PCDHA13: variants seen among roughly 807,000 people sequenced by gnomAD.
The protein encoded by PCDHA13 is protocadherin alpha-13.
Under a neutral mutation model 64.8 loss-of-function variants are expected in PCDHA13, and 54 were observed. The observed-to-expected ratio is 0.83, with a 90% CI of 0.67 to 1.04. PCDHA13 has a LOEUF of 1.04. PCDHA13 is among the 50% of genes least tolerant of loss of function. The pLI, the probability that PCDHA13 is intolerant of heterozygous loss-of-function variation, is 0.00. For missense variants in PCDHA13, 1,248 were observed against 1,254.3 expected (o/e 0.99, Z 0.08); for synonymous variants, 587 against 564.4 (o/e 1.04, Z -0.57).
Position 140,946,631 on chromosome 5 carries a change from T to TATATATATATATATATATATATACAC in PCDHA13, c.2395-32317_2395-32316insTATATATATATATATATATATACACA, listed in dbSNP as rs57893927. Among the ~76,000 whole-genome samples, 213 of 131,752 alleles carry TATATATATATATATATATATATACAC rather than the reference T, an allele frequency of 1.6e-3. 5 individuals carry two copies. The highest frequency in any genetic ancestry group is 6.6e-3 in the African/African-American group (188 of 28,632). The allele number at this position is 131,752 out of a possible 152,430, so 86.4% of individuals were successfully genotyped here. A position where few individuals can be genotyped will look rare whatever the true frequency, so the allele number is the denominator to read the frequency against. Reference sequence around the variant, plus strand: ...TGTGAAATATATATATATATATATATACAATGGAATACTCATCAGCCATTA... The same window carrying TATATATATATATATATATATATACAC: ...TGTGAAATATATATATATATATATATATATATATATATATATATATATACACACAATGGAATACTCATCAGCCATTA... On this transcript the variant is annotated intron_variant, in intron 1 of 3. Transcript: ENST00000289272.
chr5:140,911,971 C>G (rs1041878022), intron 1 of PCDHA13, among the ~76,000 whole-genome samples: 5 of 152,266 alleles, frequency 3.3e-5, no homozygotes, highest in African/African-American at 1.2e-4. Flanking sequence ...GGAGTATTAA[C>G]TCACATGATC....
intron 3 of PCDHA13, among the ~76,000 whole-genome samples, chr5:141,007,850 C>A (rs1299909821): frequency 6.6e-6 from 1 of 152,156 alleles, no homozygotes; most frequent in Non-Finnish European, 1.5e-5. Context: ...GACTCAAAGT[C>A]CTTAAAGGTC....
At chr5:140,893,318 T>C (rs1329749503) in intron 1 of PCDHA13, among the ~76,000 whole-genome samples, 2 of 152,170 alleles carry the variant, frequency 1.3e-5, no homozygotes, top group African/African-American at 2.4e-5. Context: ...TTTGAGGGAC[T>C]CCCATACTGT....
chr5:140,994,786 T>C (rs1219918332), intron 3 of PCDHA13, among the ~76,000 whole-genome samples: 4 of 152,086 alleles, frequency 2.6e-5, no homozygotes, highest in Non-Finnish European at 5.9e-5. Context: ...AAGGAAACAA[T>C]GCGTGCATGC....
chr5:140,889,037 A>G (rs2062077417), intron 1 of PCDHA13, among the ~76,000 whole-genome samples: 1 of 151,994 alleles, frequency 6.6e-6, no homozygotes, highest in Non-Finnish European at 1.5e-5. Context: ...CCGTAATTTG[A>G]TTATAATTTA....
rs782395968 is a variant in PCDHA13, at chr5:141,011,916, A to G, written c.*1979A>G. ...TATTATCTATTTAGGCATTAATATA[A>G]AAGAGGTAGGAGTCTGTTATTTAAA... On this transcript the variant is annotated 3_prime_UTR_variant, in exon 4 of 4. Coordinates refer to ENST00000289272, the MANE Select transcript of PCDHA13 (RefSeq NM_018904.3). 4 of 153,828 alleles carry G rather than the reference A, an allele frequency of 2.6e-5. No individual in the cohort carries two copies. The highest frequency in any genetic ancestry group is 4.4e-5 in the Non-Finnish European group (3 of 68,030). 9.5% of individuals were successfully genotyped at this position (153,828 alleles called of 1,614,324 possible). A position where few individuals can be genotyped will look rare whatever the true frequency, so the allele number is the denominator to read the frequency against.
intron 1 of PCDHA13, chr5:140,929,229 C>T: frequency 6.2e-7 from 1 of 1,613,880 alleles, no homozygotes; most frequent in South Asian, 1.1e-5. Context: ...ATGCTGCCGA[C>T]CTGCGAAATC....
intron 1 of PCDHA13, among the ~76,000 whole-genome samples, chr5:140,937,259 G>A (rs1306999153): frequency 1.3e-5 from 2 of 151,850 alleles, no homozygotes; most frequent in East Asian, 3.9e-4. Context: ...GGATGGTCTC[G>A]ATCTCCTGAC....
chr5:140,977,974 A>G (rs2096783738), intron 1 of PCDHA13, among the ~76,000 whole-genome samples: 1 of 152,182 alleles, frequency 6.6e-6, no homozygotes, highest in African/African-American at 2.4e-5. Context: ...CCGCCCATGA[A>G]AACGCATCTA....
intron 1 of PCDHA13, among the ~76,000 whole-genome samples, chr5:140,960,911 G>A (rs2095578426): frequency 6.6e-6 from 1 of 152,284 alleles, no homozygotes; most frequent in Non-Finnish European, 1.5e-5. Context: ...TTGAGTTTCA[G>A]ATAGAAAATT....
chr5:140,904,522 C>T (rs1241157884), intron 1 of PCDHA13, among the ~76,000 whole-genome samples: 1 of 151,956 alleles, frequency 6.6e-6, no homozygotes, highest in Admixed American at 6.6e-5. Flanking sequence ...CTGCTATAAA[C>T]TTGTGTGTTC....
rs1563652468 is a variant in PCDHA13, at chr5:141,000,419, A to ATTT, written c.2543-9207_2543-9206insTTT. 1.8e-3 allele frequency among the ~76,000 whole-genome samples: 107 copies of ATTT among 60,980 alleles called. 1 individual carries two copies. The highest frequency in any genetic ancestry group is 3.1e-3 in the African/African-American group (41 of 13,160). 40.0% of individuals were successfully genotyped at this position (60,980 alleles called of 152,430 possible). ...TCTATATATATATATATATATATAT[A>ATTT]TATTTTTTTTTTTTTTTTTTTTTTT... On this transcript the variant is annotated intron_variant, in intron 3 of 3. Transcript: ENST00000289272.
chr5:140,902,703 T>C (rs1451324920), intron 1 of PCDHA13, among the ~76,000 whole-genome samples: 1 of 152,166 alleles, frequency 6.6e-6, no homozygotes, highest in African/African-American at 2.4e-5. Flanking sequence ...GTCTTTTATC[T>C]TTCACTCCCC....
At chr5:140,995,087 C>T (rs1482673933) in intron 3 of PCDHA13, among the ~76,000 whole-genome samples, 1 of 152,222 alleles carries the variant, frequency 6.6e-6, no homozygotes, top group Non-Finnish European at 1.5e-5. Flanking sequence ...CCAAACTTAT[C>T]TGTGGAGATA....
intron 1 of PCDHA13, among the ~76,000 whole-genome samples, chr5:140,940,084 A>G (rs1320170233): frequency 1.3e-5 from 2 of 152,202 alleles, no homozygotes; most frequent in East Asian, 3.8e-4. Context: ...TCTTTCTGCT[A>G]AATTGAAACT....
chr5:140,918,511 C>G (rs574083461), intron 1 of PCDHA13, among the ~76,000 whole-genome samples: 1 of 152,144 alleles, frequency 6.6e-6, no homozygotes, highest in African/African-American at 2.4e-5. Flanking sequence ...TCCTTTTAAA[C>G]TTATTGAGGA....
chr5:140,945,614 A>G lies in PCDHA13; in HGVS notation c.2395-33335A>G, dbSNP rs2093816394. Among the ~76,000 whole-genome samples the G allele has an allele frequency of 2.0e-5, 3 of 152,278 alleles. No homozygotes were observed. The South Asian group carries it at 6.2e-4, about 32-fold the overall frequency. ...TCAAAGCTATAATAATCAAAACAGC[A>G]TGGTACTGGCATAAAAGACATGTAG... On this transcript the variant is annotated intron_variant, in intron 1 of 3. Coordinates refer to ENST00000289272, the MANE Select transcript of PCDHA13 (RefSeq NM_018904.3).
chr5:140,929,285 T>C, intron 1 of PCDHA13: 15 of 1,600,688 alleles, frequency 9.4e-6, no homozygotes, highest in Non-Finnish European at 1.3e-5. Flanking sequence ...TGTATTCAGA[T>C]TCGGAATAGG....
Position 140,952,580 on chromosome 5 carries a change from A to G in PCDHA13, c.2395-26369A>G, listed in dbSNP as rs538999222. ...ATCAGCACTTCGGTCCCAATCATTCAAGTAGTCTCTAGGAAGTTCTAAGCT... is the reference window on the plus strand; with the variant it reads ...ATCAGCACTTCGGTCCCAATCATTCGAGTAGTCTCTAGGAAGTTCTAAGCT... On this transcript the variant is annotated intron_variant, in intron 1 of 3. Transcript: ENST00000289272. Among the ~76,000 whole-genome samples the G allele has an allele frequency of 2.0e-4, 30 of 152,248 alleles. No homozygotes were observed. In the South Asian group the frequency reaches 2.3e-3, roughly 12 times the overall value.
Sources: gnomAD v4.1 joint callset for allele counts (sites outside exome capture counted in the v4.1 genomes callset) on GRCh38, gnomAD v4.1.1 for gene constraint, MANE v1.5 for transcripts, NCBI Gene and HGNC (gene_info 2026-07-23, HGNC 2026-07-21) for gene names.